Variants in ASAP1 observed in about 807,000 individuals in gnomAD.
ASAP1 encodes the protein arf-GAP with SH3 domain, ANK repeat and PH domain-containing protein 1.
A neutral mutation model predicts 145.2 loss-of-function variants in ASAP1; 43 were observed. The ratio of observed to expected loss-of-function variants is 0.30; its 90% CI spans 0.23 to 0.38. ASAP1 has a LOEUF of 0.38. Among genes scored for constraint, ASAP1 ranks in the 10% least tolerant of loss-of-function variants. The pLI, the probability that ASAP1 is intolerant of heterozygous loss-of-function variation, is 1.00. For synonymous variants in ASAP1, 546 were observed against 515.5 expected (o/e 1.06, Z -0.80); for missense variants, 1,018 against 1,355.3 (o/e 0.75, Z 3.91).
At chr8:130,166,392 T>C (rs1341022819) in intron 11 of ASAP1, among the ~76,000 whole-genome samples, 1 of 152,208 alleles carries the variant, frequency 6.6e-6, no homozygotes, top group South Asian at 2.1e-4. Flanking sequence ...AATTTATCCT[T>C]ATCATGAAGT....
At chr8:130,324,263 G>A (rs985277747) in intron 3 of ASAP1, among the ~76,000 whole-genome samples, 2 of 152,144 alleles carry the variant, frequency 1.3e-5, no homozygotes, top group South Asian at 4.1e-4. Flanking sequence ...TTCCAGAAAT[G>A]TTAGGCTCAC....
chr8:130,280,209 T>C (rs1344264964), intron 3 of ASAP1, among the ~76,000 whole-genome samples: 1 of 152,220 alleles, frequency 6.6e-6, no homozygotes, highest in Non-Finnish European at 1.5e-5. Flanking sequence ...CAGTGCTTGC[T>C]CATATTCCTC....
At chr8:130,416,660 A>G (rs1829487262) in intron 1 of ASAP1, among the ~76,000 whole-genome samples, 2 of 152,226 alleles carry the variant, frequency 1.3e-5, no homozygotes, top group African/African-American at 4.8e-5. Flanking sequence ...AGAGAACTAC[A>G]AGGAATTAGT....
intron 27 of ASAP1, among the ~76,000 whole-genome samples, chr8:130,072,825 G>GTGTGTGTGTGTGTGTGTGCGCGCGCA: frequency 1.8e-5 from 1 of 54,094 alleles, no homozygotes; most frequent in African/African-American, 9.1e-5. Context: ...GTGTGTGTGT[G>GTGTGTGTGTGTGTGTGTGCGCGCGCA]CGCGCGGGGG....
chr8:130,441,755 C>T (rs1830495447), intron 1 of ASAP1, among the ~76,000 whole-genome samples: 1 of 152,116 alleles, frequency 6.6e-6, no homozygotes, highest in Non-Finnish European at 1.5e-5. Context: ...TTTCAATTTC[C>T]CTCACCAAAT....
chr8:130,296,638 C>A (rs1822295635), intron 3 of ASAP1, among the ~76,000 whole-genome samples: 1 of 151,846 alleles, frequency 6.6e-6, no homozygotes, highest in Admixed American at 6.6e-5. Flanking sequence ...AACCTCAGAT[C>A]CTGCATCAAG....
At chr8:130,089,338 TG>T (rs1173673051) in intron 25 of ASAP1, among the ~76,000 whole-genome samples, 1 of 152,090 alleles carries the variant, frequency 6.6e-6, no homozygotes, top group East Asian at 1.9e-4. Flanking sequence ...TGTTCAGCTT[TG>T]GGGGTGGAGA....
At chr8:130,094,801 G>A (rs1212128156) in intron 24 of ASAP1, among the ~76,000 whole-genome samples, 1 of 152,214 alleles carries the variant, frequency 6.6e-6, no homozygotes, top group African/African-American at 2.4e-5. Flanking sequence ...ATCAGGAAGT[G>A]TAACTTTCCT....
At chr8:130,290,017 A>T (rs1450567567) in intron 3 of ASAP1, among the ~76,000 whole-genome samples, 2 of 152,124 alleles carry the variant, frequency 1.3e-5, no homozygotes, top group African/African-American at 4.8e-5. Flanking sequence ...GTACATGGTC[A>T]TTTATCTAAG....
chr8:130,231,050 C>T (rs1365061994), intron 4 of ASAP1, among the ~76,000 whole-genome samples: 2 of 152,178 alleles, frequency 1.3e-5, no homozygotes, highest in Non-Finnish European at 2.9e-5. Context: ...AAAACATTTG[C>T]TTCCTATCCA....
intron 1 of ASAP1, among the ~76,000 whole-genome samples, chr8:130,411,004 G>T (rs1340693153): frequency 3.3e-5 from 5 of 152,156 alleles, no homozygotes; most frequent in Admixed American, 1.3e-4. Flanking sequence ...GGGATTACAG[G>T]CACCCACCAC....
At position 130,167,592 on chromosome 8, in the gene ASAP1, G is replaced by C; in HGVS notation, c.853C>G (p.Gln285Glu). Residue 285 changes from glutamine (Q) to glutamate (E), a missense_variant, in exon 11 of 30, where the codon CAG becomes GAG. Transcript: ENST00000518721. ...ATTAAGTCTCGGAGTGCAGTTAGCT[G>C]TTTCTTTTCTTCATCCTGGGTCTGT... ...IKQTQDEEKK[Q>E]LTALRDLIKS... 1.9e-6 allele frequency: 3 copies of C among 1,612,676 alleles called. No homozygotes were observed. Among genetic ancestry groups the C allele is most frequent in the Non-Finnish European group, 2.5e-6 (3 of 1,178,968 alleles).
chr8:130,125,264 T>A (rs2097573201), intron 17 of ASAP1, among the ~76,000 whole-genome samples: 2 of 152,096 alleles, frequency 1.3e-5, no homozygotes, highest in African/African-American at 4.8e-5. Context: ...CCAGTAGGCA[T>A]CCTACTTGGG....
At chr8:130,081,815 C>A (rs1191149392) in intron 25 of ASAP1, among the ~76,000 whole-genome samples, 1 of 152,196 alleles carries the variant, frequency 6.6e-6, no homozygotes, top group Non-Finnish European at 1.5e-5. Context: ...CCCATCAAGA[C>A]GCCCTGATAG....
intron 9 of ASAP1, 41 bp downstream of exon 9, chr8:130,179,223 A>G (rs1363664165): frequency 2.5e-6 from 3 of 1,210,016 alleles, no homozygotes; most frequent in Admixed American, 1.8e-5. Flanking sequence ...TACAGGGGGC[A>G]GTAATTGGGC....
chr8:130,078,058 C>T (rs1474457635), intron 26 of ASAP1, among the ~76,000 whole-genome samples: 1 of 150,852 alleles, frequency 6.6e-6, no homozygotes, highest in East Asian at 2.0e-4. Flanking sequence ...GGCGTGATCT[C>T]GGTTCACTGC....
At chr8:130,120,362 C>T (rs1413425966) in intron 18 of ASAP1, among the ~76,000 whole-genome samples, 1 of 152,200 alleles carries the variant, frequency 6.6e-6, no homozygotes, top group Non-Finnish European at 1.5e-5. Flanking sequence ...AAGTCTGAGA[C>T]CACGTGCTAA....
chr8:130,132,847 C>T (rs1355476469), intron 15 of ASAP1, among the ~76,000 whole-genome samples: 1 of 152,156 alleles, frequency 6.6e-6, no homozygotes, highest in Non-Finnish European at 1.5e-5. Context: ...CCACCCTGTT[C>T]CTCCCACCTC....
At chr8:130,390,942 C>CTG (rs146330785) in intron 2 of ASAP1, among the ~76,000 whole-genome samples, 3 of 149,540 alleles carry the variant, frequency 2.0e-5, no homozygotes, top group East Asian at 1.9e-4. Context: ...ATCCCCCGCC[C>CTG]CCCCAAAATT....
Sources: allele counts gnomAD v4.1 joint callset (sites outside exome capture counted in the v4.1 genomes callset), GRCh38; gene constraint gnomAD v4.1.1; transcripts MANE v1.5; gene names NCBI Gene and HGNC (gene_info 2026-07-23, HGNC 2026-07-21).